COL19A1: variants seen among roughly 807,000 people sequenced by gnomAD.
The protein encoded by COL19A1 is collagen type XIX alpha 1 chain.
In COL19A1, 159 loss-of-function variants were observed where a neutral mutation model predicts 190.2. The observed-to-expected ratio is 0.84, with a 90% CI of 0.73 to 0.95. COL19A1 has a LOEUF of 0.95. Ranked by LOEUF, COL19A1 falls within the 40% of genes least tolerant of loss-of-function variation. The probability of loss-of-function intolerance (pLI) is 0.00; values close to 1 mark genes in which losing one functional copy is unlikely to be tolerated. For synonymous variants in COL19A1, 509 were observed against 458.9 expected (o/e 1.11, Z -1.39); for missense variants, 1,418 against 1,431.9 (o/e 0.99, Z 0.16).
chr6:70,185,928 A>G (rs934450100), intron 46 of COL19A1, among the ~76,000 whole-genome samples: 2 of 152,182 alleles, frequency 1.3e-5, no homozygotes, highest in African/African-American at 2.4e-5. Context: ...ACCCCACTAC[A>G]CAGAGATAAG....
intron 49 of COL19A1, among the ~76,000 whole-genome samples, chr6:70,203,409 A>G (rs1243494246): frequency 6.6e-6 from 1 of 152,194 alleles, no homozygotes; most frequent in Non-Finnish European, 1.5e-5. Flanking sequence ...TGTGATGTAT[A>G]GATTTGACCT....
intron 39 of COL19A1, 69 bp downstream of exon 39, chr6:70,168,284 A>T: frequency 1.3e-6 from 2 of 1,522,560 alleles, no homozygotes; most frequent in Non-Finnish European, 9.0e-7. Context: ...AACAATAAAA[A>T]CCTCTTAAGT....
At chr6:69,921,481 T>TATATATTCAGATATATTC (rs1771894208) in intron 4 of COL19A1, among the ~76,000 whole-genome samples, 3 of 86,434 alleles carry the variant, frequency 3.5e-5, no homozygotes, top group Non-Finnish European at 6.1e-5. Flanking sequence ...CATATATTCA[T>TATATATTCAGATATATTC]ATATATTCAT....
intron 49 of COL19A1, among the ~76,000 whole-genome samples, chr6:70,204,401 T>A (rs1259620096): frequency 6.6e-6 from 1 of 152,182 alleles, no homozygotes; most frequent in Non-Finnish European, 1.5e-5. Context: ...GGGACCTTAA[T>A]AGGAAATTCA....
rs895692449 is a variant in COL19A1 at position 70,212,325 on chromosome 6, T to C, written c.*5051T>C. ...CTCTTTACGATTTAATTGAATATAC[T>C]CATGTTAAGTGCAATGGCATTAGTT... is the stretch of plus-strand genomic sequence containing the variant. On this transcript the variant is annotated 3_prime_UTR_variant, in exon 51 of 51. Coordinates refer to ENST00000620364, the MANE Select transcript of COL19A1 (RefSeq NM_001858.6). Among the ~76,000 whole-genome samples the C allele has an allele frequency of 2.6e-5, 4 of 152,228 alleles. 1 individual carries two copies. In the South Asian group the frequency reaches 6.2e-4, roughly 24 times the overall value.
At chr6:69,896,491 T>C (rs2149967587) in intron 2 of COL19A1, among the ~76,000 whole-genome samples, 1 of 140,736 alleles carries the variant, frequency 7.1e-6, no homozygotes, top group South Asian at 2.2e-4. Flanking sequence ...GAGCCGAGAT[T>C]GCGCCACTGC....
intron 15 of COL19A1, among the ~76,000 whole-genome samples, chr6:70,079,590 G>A (rs1162200678): frequency 1.3e-5 from 2 of 152,170 alleles, no homozygotes; most frequent in Admixed American, 6.5e-5. Context: ...AGTTTTGAAA[G>A]GGAGGAGACT....
At chr6:70,188,283 T>C in intron 47 of COL19A1, 38 bp downstream of exon 47, 1 of 1,550,514 alleles carries the variant, frequency 6.4e-7, no homozygotes, top group Non-Finnish European at 8.7e-7. Flanking sequence ...TCCTGGCTTG[T>C]ACCGACCATG....
chr6:70,059,727 C>T (rs747355837), intron 14 of COL19A1: 1 of 477,964 alleles, frequency 2.1e-6, no homozygotes, highest in East Asian at 6.2e-5. Context: ...AAATGAATAC[C>T]TATGTAGACC....
chr6:70,146,484 C>A (rs1213396880), intron 25 of COL19A1, among the ~76,000 whole-genome samples, 175 bp from the exon 26 acceptor site: 1 of 151,890 alleles, frequency 6.6e-6, no homozygotes, highest in African/African-American at 2.4e-5. Context: ...TATTTTAAAG[C>A]AACTATACAA....
In COL19A1 at chr6:69,932,852, TC is replaced by T; in HGVS notation, c.737del (p.Ser246Ter). ...LIAQETCCEI[S>X]DTKCPEQDGF... ...AGCTCAAGAAACATGTTGTGAAATATCAGATACTAAGGTAAGTTAATTTTCT... is the reference window on the plus strand; with the variant it reads ...AGCTCAAGAAACATGTTGTGAAATATAGATACTAAGGTAAGTTAATTTTCT... On this transcript the variant is annotated frameshift_variant, in exon 7 of 51. Coordinates refer to ENST00000620364, the MANE Select transcript of COL19A1 (RefSeq NM_001858.6). LOFTEE classifies it high-confidence loss of function. 6.2e-7 allele frequency: 1 copy of T among 1,601,424 alleles called. No homozygotes were observed. The highest frequency in any genetic ancestry group is 1.7e-5 in the Admixed American group (1 of 59,288).
intron 2 of COL19A1, among the ~76,000 whole-genome samples, chr6:69,881,803 G>A (rs1768574480): frequency 6.6e-6 from 1 of 152,224 alleles, no homozygotes; most frequent in Admixed American, 6.5e-5. Context: ...CTGAATGTGT[G>A]ATGGAAATTG....
At chr6:69,938,771 C>G (rs1773273888) in intron 9 of COL19A1, among the ~76,000 whole-genome samples, 2 of 152,010 alleles carry the variant, frequency 1.3e-5, no homozygotes, top group Admixed American at 1.3e-4. Context: ...GGCTATATCC[C>G]ATGCTTAGAG....
At chr6:70,127,979 C>G (rs555894167) in intron 17 of COL19A1, among the ~76,000 whole-genome samples, 47 of 152,244 alleles carry the variant, frequency 3.1e-4, no homozygotes, top group African/African-American at 1.1e-3. Context: ...AATGGAATTC[C>G]TGCTCAATTT....
chr6:70,064,759 A>G (rs1432970279), intron 14 of COL19A1, among the ~76,000 whole-genome samples: 2 of 152,232 alleles, frequency 1.3e-5, no homozygotes, highest in African/African-American at 4.8e-5. Context: ...CAACTTCAGC[A>G]AAGTCTCAGG....
At chr6:69,879,743 G>T in intron 2 of COL19A1, 85 bp downstream of exon 2, 2 of 1,179,996 alleles carry the variant, frequency 1.7e-6, no homozygotes, top group African/African-American at 3.0e-5. Flanking sequence ...AGATTGAAAA[G>T]GCCATAGATT....
chr6:69,886,440 A>G (rs1768942250), intron 2 of COL19A1, among the ~76,000 whole-genome samples: 1 of 152,222 alleles, frequency 6.6e-6, no homozygotes, highest in South Asian at 2.1e-4. Context: ...AGAAATTAAA[A>G]ATAGAACCAC....
At chr6:69,935,895 A>G (rs897087936) in intron 7 of COL19A1, among the ~76,000 whole-genome samples, 2 of 152,100 alleles carry the variant, frequency 1.3e-5, no homozygotes, top group Admixed American at 6.6e-5. Context: ...AAGAAAATAA[A>G]TATCAATCAT....
Position 70,144,234 on chromosome 6 carries a change from C to A in COL19A1, c.1651C>A (p.Pro551Thr), listed in dbSNP as rs1168553927. ...DVGLPGEHGI[P>T]GKQGIKGEKG... The stretch of plus-strand genomic sequence containing the variant: ...GGGATTGCCAGGAGAACATGGTATC[C>A]CAGGAAAACAAGGCATTAAAGGAGA... Residue 551 changes from proline (P) to threonine (T), a missense_variant, in exon 24 of 51, where the codon CCA (proline) becomes ACA (threonine). Physicochemically the swap from Pro to Thr is conservative, Grantham distance 38. Coordinates refer to ENST00000620364, the MANE Select transcript of COL19A1 (RefSeq NM_001858.6). 6.2e-7 allele frequency: 1 copy of A among 1,612,068 alleles called. No homozygotes were observed. Among genetic ancestry groups the A allele is most frequent in the Non-Finnish European group, 8.5e-7 (1 of 1,178,736 alleles).
Sources: gnomAD v4.1 joint callset for allele counts (sites outside exome capture counted in the v4.1 genomes callset) on GRCh38, gnomAD v4.1.1 for gene constraint, MANE v1.5 for transcripts, NCBI Gene and HGNC (gene_info 2026-07-23, HGNC 2026-07-21) for gene names.